ASIP: variants seen among roughly 807,000 people sequenced by gnomAD.
ASIP encodes agouti-signaling protein.
ASIP carries 11 observed loss-of-function variants against 10.3 expected under a neutral mutation model. The observed-to-expected ratio is 1.07, with a 90% CI of 0.68 to 1.78. The LOEUF (loss-of-function observed/expected upper bound fraction) is 1.78, where lower values mean the gene tolerates loss of function less well. ASIP is among the 40% of genes most tolerant of loss of function. The pLI is 0.00. For missense variants in ASIP, 180 were observed against 169.2 expected (o/e 1.06, Z -0.35); for synonymous variants, 70 against 70.8 (o/e 0.99, Z 0.06).
intron 3 of ASIP, among the ~76,000 whole-genome samples, chr20:34,267,058 A>G (rs1440299754): frequency 6.6e-6 from 1 of 152,214 alleles, no homozygotes; most frequent in Non-Finnish European, 1.5e-5. Context: ...TGTAAAGTGA[A>G]CAAGCAAGAT....
intron 1 of ASIP, chr20:34,214,585 C>A: frequency 7.3e-7 from 1 of 1,365,734 alleles, no homozygotes; most frequent in South Asian, 1.2e-5. Flanking sequence ...AAAAACTCTG[C>A]GAACAGAGGC....
At position 34,205,124 on chromosome 20, in the gene ASIP, G is replaced by A. The variant is rs913457900; in HGVS notation, c.-11+10364G>A. ...CAAGAATGAAGCCATGGACCCTCACGGTGAGTGTTACAGTTCTTAAAGATG... is the reference window on the plus strand; with the variant it reads ...CAAGAATGAAGCCATGGACCCTCACAGTGAGTGTTACAGTTCTTAAAGATG... On this transcript the variant is annotated intron_variant, in intron 1 of 3. Transcript: ENST00000568305. Among the ~76,000 whole-genome samples the A allele has an allele frequency of 5.9e-5, 9 of 152,346 alleles. No individual in the cohort carries two copies. The South Asian group carries it at 8.3e-4, about 14-fold the overall frequency.
At chr20:34,196,895 C>T (rs183342258) in intron 1 of ASIP, among the ~76,000 whole-genome samples, 5 of 152,272 alleles carry the variant, frequency 3.3e-5, no homozygotes, top group Admixed American at 2.6e-4. Flanking sequence ...AGTTCCGTCT[C>T]CATCTGTTCC....
At chr20:34,235,886 G>GA (rs1185768966) in intron 1 of ASIP, among the ~76,000 whole-genome samples, 36 of 111,250 alleles carry the variant, frequency 3.2e-4, no homozygotes, top group African/African-American at 2.3e-3. Context: ...AGGAAGGAAG[G>GA]AAGGAAGGAA....
chr20:34,191,134 A>G (rs945423652), upstream of ASIP, among the ~76,000 whole-genome samples: 3 of 152,192 alleles, frequency 2.0e-5, no homozygotes, highest in African/African-American at 7.2e-5. Context: ...CTGGTGTTAA[A>G]CAGGTATTAC....
chr20:34,212,443 T>G (rs1354521038), intron 1 of ASIP, among the ~76,000 whole-genome samples: 2 of 152,172 alleles, frequency 1.3e-5, no homozygotes, highest in Non-Finnish European at 2.9e-5. Flanking sequence ...TTCTACTAAA[T>G]ATTTCATTGT....
chr20:34,203,125 A>G (rs1386886169), intron 1 of ASIP, among the ~76,000 whole-genome samples: 1 of 151,632 alleles, frequency 6.6e-6, no homozygotes, highest in East Asian at 1.9e-4. Flanking sequence ...ATATTTCCAC[A>G]TAAACTTTAG....
chr20:34,227,836 A>G (rs1030904615), intron 1 of ASIP, among the ~76,000 whole-genome samples: 2 of 152,198 alleles, frequency 1.3e-5, no homozygotes, highest in Non-Finnish European at 2.9e-5. Flanking sequence ...AAAAAAGAAC[A>G]GTTTGAAGAC....
At chr20:34,246,474 C>T (rs2035377720) in intron 1 of ASIP, 2 of 1,395,838 alleles carry the variant, frequency 1.4e-6, no homozygotes, top group Non-Finnish European at 2.0e-6. Flanking sequence ...TAATTGGCAT[C>T]TAACTTGGCA....
upstream of ASIP, among the ~76,000 whole-genome samples, chr20:34,240,637 C>T (rs1209923349): frequency 1.3e-5 from 2 of 152,184 alleles, no homozygotes; most frequent in Non-Finnish European, 2.9e-5. Flanking sequence ...AGCTTCTCCA[C>T]CAACTACTCC....
intron 1 of ASIP, among the ~76,000 whole-genome samples, chr20:34,210,138 C>T (rs533345883): frequency 5.3e-5 from 8 of 152,170 alleles, no homozygotes; most frequent in South Asian, 2.1e-4. Flanking sequence ...TCTTCCTGGA[C>T]GCAGGACAAG....
intron 1 of ASIP, among the ~76,000 whole-genome samples, chr20:34,259,227 G>C (rs1391107984): frequency 6.7e-6 from 1 of 150,106 alleles, no homozygotes; most frequent in Non-Finnish European, 1.5e-5. Context: ...AATGACAACA[G>C]AAAAAAACTA....
intron 1 of ASIP, among the ~76,000 whole-genome samples, chr20:34,234,494 TTTC>T (rs1046030454): frequency 3.3e-5 from 5 of 151,524 alleles, no homozygotes; most frequent in African/African-American, 9.7e-5. Flanking sequence ...TCTCTTTTCT[TTTC>T]TTTTCTCCTT....
chr20:34,236,662 G>A (rs115774545), upstream of ASIP, among the ~76,000 whole-genome samples: 460 of 152,268 alleles, frequency 3.0e-3, 4 homozygotes, highest in African/African-American at 0.011. Context: ...ACCAGCCTAG[G>A]CAAGATGGCG....
At chr20:34,243,758 TAAA>T (rs760280764) in intron 1 of ASIP, among the ~76,000 whole-genome samples, 1 of 134,048 alleles carries the variant, frequency 7.5e-6, no homozygotes, top group Non-Finnish European at 1.6e-5. Flanking sequence ...ATATTGTATT[TAAA>T]AAAAAAAAAA....
At chr20:34,258,433 G>A (rs1188572982) in intron 1 of ASIP, among the ~76,000 whole-genome samples, 1 of 149,454 alleles carries the variant, frequency 6.7e-6, no homozygotes, top group Admixed American at 6.8e-5. Context: ...ATGTGAGAAG[G>A]GCAAATAAGT....
chr20:34,235,819 A>AAGAAAGAAAGAC (rs2035177649), intron 1 of ASIP, among the ~76,000 whole-genome samples: 1 of 63,464 alleles, frequency 1.6e-5, no homozygotes, highest in Non-Finnish European at 2.5e-5. Context: ...GAAAGAAAGA[A>AAGAAAGAAAGAC]AGAAAGAAAG....
chr20:34,246,453 C>A, intron 1 of ASIP: 1 of 1,405,704 alleles, frequency 7.1e-7, no homozygotes, highest in Non-Finnish European at 1.0e-6. Flanking sequence ...CAATAAAGGA[C>A]TCGAAGTGGG....
intron 1 of ASIP, among the ~76,000 whole-genome samples, chr20:34,243,164 A>G (rs879223646): frequency 6.6e-6 from 1 of 152,228 alleles, no homozygotes; most frequent in African/African-American, 2.4e-5. Flanking sequence ...AGCTGCCTGA[A>G]GGAGTCTTGT....
Sources: allele counts gnomAD v4.1 joint callset (sites outside exome capture counted in the v4.1 genomes callset), GRCh38; gene constraint gnomAD v4.1.1; transcripts MANE v1.5; gene names NCBI Gene and HGNC (gene_info 2026-07-23, HGNC 2026-07-21).